Variants in UTRN observed in about 807,000 individuals in gnomAD.
The protein encoded by UTRN is dystrophin-related protein 1.
In UTRN, 283 loss-of-function variants were observed where a neutral mutation model predicts 463.9. The observed-to-expected ratio is 0.61, with a 90% CI of 0.55 to 0.67. The LOEUF is 0.67. Ranked by LOEUF, UTRN falls within the 30% of genes least tolerant of loss-of-function variation. The probability of loss-of-function intolerance (pLI) is 0.00; values close to 1 mark genes in which losing one functional copy is unlikely to be tolerated. For missense variants in UTRN, 3,922 were observed against 4,084.3 expected (o/e 0.96, Z 1.08); for synonymous variants, 1,442 against 1,431.5 (o/e 1.01, Z -0.17).
chr6:144,828,983 A>C (rs551347211), intron 69 of UTRN, 128 bp downstream of exon 69: 78 of 984,422 alleles, frequency 7.9e-5, no homozygotes, highest in Admixed American at 3.4e-4. Flanking sequence ...TGGTTCCAAA[A>C]ATTTCTACGT....
chr6:144,633,468 G>A (rs575835781), intron 51 of UTRN, among the ~76,000 whole-genome samples: 1 of 152,234 alleles, frequency 6.6e-6, no homozygotes, highest in South Asian at 2.1e-4. Context: ...TCCTGACGTC[G>A]TGATCCGCCC....
chr6:144,845,722 T>G (rs1197836228), intron 73 of UTRN, among the ~76,000 whole-genome samples: 1 of 152,084 alleles, frequency 6.6e-6, no homozygotes, highest in African/African-American at 2.4e-5. Flanking sequence ...AACTCAGCTA[T>G]CCCTTGGACA....
intron 52 of UTRN, among the ~76,000 whole-genome samples, chr6:144,695,744 TGCTAA>T (rs746588255): frequency 3.3e-5 from 5 of 152,222 alleles, no homozygotes; most frequent in Non-Finnish European, 5.9e-5. Context: ...AAGAGAAGAA[TGCTAA>T]TGATTTGAAA....
At chr6:144,317,429 G>C (rs1417866218) in intron 2 of UTRN, among the ~76,000 whole-genome samples, 1 of 151,940 alleles carries the variant, frequency 6.6e-6, no homozygotes, top group South Asian at 2.1e-4. Flanking sequence ...TTTTGAGATG[G>C]AGTCTTGCTC....
intron 2 of UTRN, among the ~76,000 whole-genome samples, chr6:144,397,073 G>A (rs535130774): frequency 2.1e-3 from 324 of 152,062 alleles, no homozygotes; most frequent in African/African-American, 7.3e-3. Flanking sequence ...GTGAAACCCC[G>A]TCTCTACTAA....
chr6:144,431,528 C>G (rs777325261), intron 9 of UTRN, among the ~76,000 whole-genome samples: 4 of 152,214 alleles, frequency 2.6e-5, no homozygotes, highest in Non-Finnish European at 5.9e-5. Flanking sequence ...CAAACATACG[C>G]TGGTGGTCAA....
intron 2 of UTRN, among the ~76,000 whole-genome samples, chr6:144,347,474 G>A (rs1175491215): frequency 2.6e-5 from 4 of 152,214 alleles, no homozygotes; most frequent in South Asian, 2.1e-4. Context: ...AGCTGCTTGT[G>A]GAATGAATGA....
intron 51 of UTRN, among the ~76,000 whole-genome samples, chr6:144,645,935 T>C (rs1385057972): frequency 6.6e-6 from 1 of 152,192 alleles, no homozygotes; most frequent in Non-Finnish European, 1.5e-5. Context: ...CACACCTTTA[T>C]TGAAAACATA....
At chr6:144,382,649 G>C (rs186579522) in intron 2 of UTRN, among the ~76,000 whole-genome samples, 1 of 152,278 alleles carries the variant, frequency 6.6e-6, no homozygotes, top group East Asian at 1.9e-4. Flanking sequence ...AAAATAAATT[G>C]TTCAAGACAT....
At chr6:144,479,544 T>C (rs1584952188) in intron 25 of UTRN, among the ~76,000 whole-genome samples, 1 of 152,236 alleles carries the variant, frequency 6.6e-6, no homozygotes, top group African/African-American at 2.4e-5. Flanking sequence ...GGGATTACAG[T>C]CAACAGTTAT....
chr6:144,573,119 G>A (rs185255574), intron 50 of UTRN, among the ~76,000 whole-genome samples: 14 of 152,188 alleles, frequency 9.2e-5, no homozygotes, highest in African/African-American at 3.1e-4. Context: ...TCTCATTGTG[G>A]TTTTGAGCTT....
chr6:144,802,962 A>C (rs4631314), intron 64 of UTRN, 74 bp from the exon 65 acceptor site: 131,820 of 1,070,924 alleles, frequency 0.12, 11,129 homozygotes, highest in East Asian at 0.48. Context: ...ATTCGGATGA[A>C]TGAAATTTCT....
At chr6:144,485,283 CA>C (rs1792321113) in intron 27 of UTRN, 101 bp from the exon 28 acceptor site, 1 of 1,497,634 alleles carries the variant, frequency 6.7e-7, no homozygotes, top group African/African-American at 1.4e-5. Flanking sequence ...TAGGTATACT[CA>C]CATCCAAATG....
chr6:144,348,630 AG>A (rs1278011091), intron 2 of UTRN, among the ~76,000 whole-genome samples: 3 of 152,208 alleles, frequency 2.0e-5, no homozygotes, highest in East Asian at 3.9e-4. Flanking sequence ...GAGTAGAAAG[AG>A]CGACATGTGA....
At chr6:144,488,608 A>T in intron 29 of UTRN, 65 bp from the exon 30 acceptor site, 1 of 1,516,926 alleles carries the variant, frequency 6.6e-7, no homozygotes, top group Non-Finnish European at 8.9e-7. Flanking sequence ...AGTGGCCAGA[A>T]TATATATATT....
intron 3 of UTRN, among the ~76,000 whole-genome samples, chr6:144,418,768 G>A (rs1784579316): frequency 6.6e-6 from 1 of 151,826 alleles, no homozygotes; most frequent in African/African-American, 2.4e-5. Flanking sequence ...TGGCCAGGCT[G>A]GTCTCGAATT....
chr6:144,829,506 C>T (rs1780474696), intron 69 of UTRN, among the ~76,000 whole-genome samples: 1 of 151,938 alleles, frequency 6.6e-6, no homozygotes, highest in African/African-American at 2.4e-5. Context: ...CTGATTATCC[C>T]ACTATTGTGT....
rs80303197 is a variant in UTRN at position 144,446,646 on chromosome 6, A to G, written c.1615-565A>G. Among the ~76,000 whole-genome samples the G allele has an allele frequency of 6.8e-3, 1,034 of 152,292 alleles. 11 individuals carry two copies. Among genetic ancestry groups the G allele is most frequent in the African/African-American group, 0.023 (959 of 41,550 alleles). On this transcript the variant is annotated intron_variant, in intron 14 of 74. Coordinates refer to ENST00000367545, the MANE Select transcript of UTRN (RefSeq NM_007124.3). ...TCCAATGAAGTTGAAAAATCTTTAT[A>G]TGGGCTTTGGGTGCTCTTCAGACTC... is the stretch of plus-strand genomic sequence containing the variant.
At chr6:144,315,721 A>G (rs1284038486) in intron 2 of UTRN, among the ~76,000 whole-genome samples, 1 of 152,208 alleles carries the variant, frequency 6.6e-6, no homozygotes, top group Non-Finnish European at 1.5e-5. Context: ...GCTGGATTTC[A>G]GCGTCGTTTT....
Sources: allele counts gnomAD v4.1 joint callset (sites outside exome capture counted in the v4.1 genomes callset), GRCh38; gene constraint gnomAD v4.1.1; transcripts MANE v1.5; gene names NCBI Gene and HGNC (gene_info 2026-07-23, HGNC 2026-07-21).